Variants in CDH23 observed in about 807,000 individuals in gnomAD.
The protein encoded by CDH23 is cadherin related 23.
CDH23 carries 189 observed loss-of-function variants against 317.1 expected under a neutral mutation model. The observed-to-expected ratio is 0.60, with a 90% CI of 0.53 to 0.67. The LOEUF (loss-of-function observed/expected upper bound fraction) is 0.67. Among genes scored for constraint, CDH23 ranks in the 30% least tolerant of loss-of-function variants. The pLI is 0.00. For synonymous variants in CDH23, 1,839 were observed against 1,876.8 expected (o/e 0.98, Z 0.52); for missense variants, 4,401 against 4,592.4 (o/e 0.96, Z 1.20).
At chr10:71,516,705 C>T (rs1854352131) in intron 6 of CDH23, among the ~76,000 whole-genome samples, 1 of 152,162 alleles carries the variant, frequency 6.6e-6, no homozygotes, top group Non-Finnish European at 1.5e-5. Flanking sequence ...GAGACAGACA[C>T]TGAAGTAGGA....
chr10:71,581,541 C>A (rs1368094947), intron 9 of CDH23, among the ~76,000 whole-genome samples: 1 of 152,244 alleles, frequency 6.6e-6, no homozygotes, highest in Non-Finnish European at 1.5e-5. Flanking sequence ...GTCTGCACAC[C>A]AGTGCTTTCC....
intron 33 of CDH23, 83 bp from the exon 34 acceptor site, chr10:71,734,573 G>C (rs1310279666): frequency 6.2e-7 from 1 of 1,604,696 alleles, no homozygotes; most frequent in African/African-American, 1.3e-5. Context: ...CCGGGAGTGG[G>C]GTCTGGAAGA....
chr10:71,673,830 G>A (rs1864245732), intron 14 of CDH23, among the ~76,000 whole-genome samples: 1 of 152,208 alleles, frequency 6.6e-6, no homozygotes, highest in Non-Finnish European at 1.5e-5. Flanking sequence ...AGTCGCTGCT[G>A]CCGTTGTGAG....
intron 38 of CDH23, among the ~76,000 whole-genome samples, chr10:71,776,794 G>T (rs940450187): frequency 6.6e-6 from 1 of 152,172 alleles, no homozygotes; most frequent in Non-Finnish European, 1.5e-5. Context: ...AAACACCCCC[G>T]CCTCTTTCTC....
chr10:71,680,235 C>G (rs1040842173), intron 17 of CDH23, among the ~76,000 whole-genome samples: 2 of 152,218 alleles, frequency 1.3e-5, no homozygotes, highest in Admixed American at 6.5e-5. Context: ...CTCCTTGCCC[C>G]TTGGTCCTGC....
At chr10:71,541,446 T>G (rs943501908) in intron 6 of CDH23, among the ~76,000 whole-genome samples, 2 of 152,342 alleles carry the variant, frequency 1.3e-5, no homozygotes, top group South Asian at 4.1e-4. Flanking sequence ...TCTGGGGCCC[T>G]GGCCCTGGGC....
At chr10:71,795,347 G>A (rs983271045) in intron 48 of CDH23, among the ~76,000 whole-genome samples, 2 of 152,114 alleles carry the variant, frequency 1.3e-5, no homozygotes, top group Admixed American at 1.3e-4. Flanking sequence ...TGAGCACTAG[G>A]AGAAGTTAGA....
intron 3 of CDH23, among the ~76,000 whole-genome samples, chr10:71,497,936 A>G (rs558950306): frequency 6.3e-4 from 96 of 152,314 alleles, no homozygotes; most frequent in South Asian, 1.0e-3. Flanking sequence ...TGTCACTGGC[A>G]GATCACACAC....
chr10:71,590,873 T>TAAAA (rs71018215), intron 9 of CDH23, among the ~76,000 whole-genome samples: 5 of 72,310 alleles, frequency 6.9e-5, no homozygotes, highest in African/African-American at 1.4e-4. Context: ...ACCCTGTCTC[T>TAAAA]AAAAAAAAAA....
intron 69 of CDH23, among the ~76,000 whole-genome samples, chr10:71,814,645 TACACACAC>T (rs921742881): frequency 2.7e-4 from 39 of 143,970 alleles, no homozygotes; most frequent in Non-Finnish European, 5.1e-4. Flanking sequence ...TACACACACA[TACACACAC>T]ACACACACAA....
chr10:71,687,053 G>A (rs1333732917), intron 18 of CDH23, among the ~76,000 whole-genome samples: 3 of 152,292 alleles, frequency 2.0e-5, no homozygotes, highest in Middle Eastern at 3.4e-3. Context: ...ACAGGGGTGG[G>A]GCTCTAGGCC....
chr10:71,473,887 C>T (rs966440611), intron 3 of CDH23, among the ~76,000 whole-genome samples: 6 of 152,206 alleles, frequency 3.9e-5, no homozygotes, highest in African/African-American at 1.4e-4. Context: ...GGCCCCCTGG[C>T]TCCTCCACTT....
At chr10:71,672,205 C>T (rs911821478) in intron 14 of CDH23, among the ~76,000 whole-genome samples, 3 of 151,934 alleles carry the variant, frequency 2.0e-5, no homozygotes, top group Admixed American at 2.0e-4. Context: ...GCTGTTCAAG[C>T]GGAGGGGGCA....
intron 6 of CDH23, among the ~76,000 whole-genome samples, chr10:71,554,773 G>A (rs573022821): frequency 8.8e-4 from 133 of 151,264 alleles, no homozygotes; most frequent in Middle Eastern, 3.4e-3. Context: ...TGTTTCCATA[G>A]TTAACTCATT....
chr10:71,656,210 T>C (rs1863409382), intron 14 of CDH23, among the ~76,000 whole-genome samples: 2 of 152,240 alleles, frequency 1.3e-5, no homozygotes, highest in South Asian at 4.1e-4. Flanking sequence ...CTAGTCCTAA[T>C]CAGGGCATAC....
chr10:71,524,956 C>T (rs979640214), intron 6 of CDH23, among the ~76,000 whole-genome samples: 2 of 152,256 alleles, frequency 1.3e-5, no homozygotes, highest in Non-Finnish European at 2.9e-5. Flanking sequence ...TACTCTGTCA[C>T]CCAGGCTCTA....
intron 3 of CDH23, among the ~76,000 whole-genome samples, chr10:71,467,256 T>C (rs531996117): frequency 6.6e-6 from 1 of 152,306 alleles, no homozygotes; most frequent in Middle Eastern, 3.4e-3. Flanking sequence ...CGTGTGAACT[T>C]GAACAAGAAC....
intron 1 of CDH23, among the ~76,000 whole-genome samples, chr10:71,432,224 GTGTT>G (rs1192895010): frequency 6.7e-6 from 1 of 149,648 alleles, no homozygotes; most frequent in Non-Finnish European, 1.5e-5. Flanking sequence ...GCACATGAGT[GTGTT>G]TGAGAATGTG....
chr10:71,676,074 A>T lies in CDH23; in HGVS notation c.1514+898A>T, dbSNP rs533870761. On this transcript the variant is annotated intron_variant, in intron 15 of 69. Transcript: ENST00000224721. Reference sequence around the variant, plus strand: ...AGGCACCCACCAGCACACCTGGCTAATTTTTGTATTTTTAGTAGAGATGGG... The same window carrying T: ...AGGCACCCACCAGCACACCTGGCTATTTTTTGTATTTTTAGTAGAGATGGG... Among the ~76,000 whole-genome samples, 4 of 151,344 alleles carry T rather than the reference A, an allele frequency of 2.6e-5. No individual in the cohort carries two copies. The East Asian group carries it at 7.9e-4, about 30-fold the overall frequency.
Sources: gnomAD v4.1 joint callset for allele counts (sites outside exome capture counted in the v4.1 genomes callset) on GRCh38, gnomAD v4.1.1 for gene constraint, MANE v1.5 for transcripts, NCBI Gene and HGNC (gene_info 2026-07-23, HGNC 2026-07-21) for gene names.